The following ANKS1B variants were observed in gnomAD, a reference collection of about 807,000 sequenced individuals.
ANKS1B encodes ankyrin repeat and sterile alpha motif domain containing 1B.
In ANKS1B, 36 loss-of-function variants were observed where a neutral mutation model predicts 148.3. The observed-to-expected ratio is 0.24, with a 90% CI of 0.19 to 0.32. The LOEUF is 0.32. Among genes scored for constraint, ANKS1B ranks in the 10% least tolerant of loss-of-function variants. ANKS1B has a pLI of 1.00. For missense variants in ANKS1B, 1,157 were observed against 1,542.6 expected (o/e 0.75, Z 4.19); for synonymous variants, 542 against 560.8 (o/e 0.97, Z 0.47).
At chr12:99,336,610 T>C (rs1330099435) in intron 12 of ANKS1B, among the ~76,000 whole-genome samples, 2 of 152,126 alleles carry the variant, frequency 1.3e-5, no homozygotes, top group Non-Finnish European at 2.9e-5. Context: ...CCACCATCAT[T>C]TATTGAAGAG....
intron 19 of ANKS1B, among the ~76,000 whole-genome samples, chr12:98,820,084 G>C (rs1440576677): frequency 6.6e-6 from 1 of 152,210 alleles, no homozygotes; most frequent in Non-Finnish European, 1.5e-5. Context: ...ATTCTTAATA[G>C]GATTTTTCAA....
intron 11 of ANKS1B, among the ~76,000 whole-genome samples, chr12:99,421,135 T>C (rs1343572295): frequency 9.9e-5 from 15 of 152,222 alleles, no homozygotes; most frequent in Admixed American, 9.8e-4. Flanking sequence ...TAAGTATTCA[T>C]CTTCTTCTCC....
chr12:99,618,226 GT>G (rs1376634849), intron 9 of ANKS1B, among the ~76,000 whole-genome samples: 1 of 152,102 alleles, frequency 6.6e-6, no homozygotes, highest in African/African-American at 2.4e-5. Context: ...CCCCAGCACT[GT>G]TTCCATCACC....
chr12:99,383,030 A>G (rs1019372302), intron 12 of ANKS1B, among the ~76,000 whole-genome samples: 1 of 152,010 alleles, frequency 6.6e-6, no homozygotes, highest in Non-Finnish European at 1.5e-5. Context: ...TTAGACATCT[A>G]CCCTCTGTCC....
intron 17 of ANKS1B, among the ~76,000 whole-genome samples, chr12:98,866,723 C>T (rs1210179596): frequency 3.3e-5 from 5 of 152,198 alleles, no homozygotes; most frequent in African/African-American, 9.7e-5. Context: ...GCCTGGTCAG[C>T]TCAGTCTCAT....
chr12:98,985,334 C>G (rs1189674769), intron 17 of ANKS1B, among the ~76,000 whole-genome samples: 2 of 151,910 alleles, frequency 1.3e-5, no homozygotes, highest in African/African-American at 2.4e-5. Context: ...CATACTGAAG[C>G]CTTGCTTTTT....
chr12:99,231,654 T>G (rs1286392399), intron 14 of ANKS1B, among the ~76,000 whole-genome samples: 3 of 150,948 alleles, frequency 2.0e-5, no homozygotes, highest in Non-Finnish European at 4.4e-5. Flanking sequence ...TAAATACATT[T>G]AAAAAAAAAT....
chr12:99,745,207 G>A (rs1357591715), intron 8 of ANKS1B, among the ~76,000 whole-genome samples: 1 of 151,968 alleles, frequency 6.6e-6, no homozygotes, highest in Admixed American at 6.6e-5. Context: ...TAACATAACT[G>A]ATCACTGTAA....
intron 9 of ANKS1B, among the ~76,000 whole-genome samples, chr12:99,586,802 C>T (rs778007598): frequency 2.6e-5 from 4 of 152,080 alleles, no homozygotes; most frequent in South Asian, 2.1e-4. Context: ...AGAGTATGTG[C>T]GGGGGAACTC....
At chr12:99,781,908 G>T in intron 5 of ANKS1B, 114 bp downstream of exon 5, 1 of 844,476 alleles carries the variant, frequency 1.2e-6, no homozygotes. Flanking sequence ...CTGCATTTTA[G>T]AGTAAAGGCA....
chr12:98,762,963 G>A (rs1325694866), intron 25 of ANKS1B, among the ~76,000 whole-genome samples: 1 of 152,242 alleles, frequency 6.6e-6, no homozygotes, highest in Non-Finnish European at 1.5e-5. Context: ...TGCACCTTAA[G>A]GTTAAGAAAA....
At chr12:99,530,627 C>A (rs1172099792) in intron 9 of ANKS1B, among the ~76,000 whole-genome samples, 1 of 151,880 alleles carries the variant, frequency 6.6e-6, no homozygotes, top group Non-Finnish European at 1.5e-5. Flanking sequence ...AAAACTTATG[C>A]AAATTTTAAA....
At chr12:98,906,944 A>G (rs565686400) in intron 17 of ANKS1B, among the ~76,000 whole-genome samples, 1 of 152,252 alleles carries the variant, frequency 6.6e-6, no homozygotes, top group South Asian at 2.1e-4. Flanking sequence ...ACATACATAC[A>G]CACTGTGAAA....
At chr12:99,977,323 T>C (rs1272532713) in intron 1 of ANKS1B, among the ~76,000 whole-genome samples, 1 of 152,166 alleles carries the variant, frequency 6.6e-6, no homozygotes, top group Non-Finnish European at 1.5e-5. Context: ...TGTTTTGTTT[T>C]GTTTTTTATA....
chr12:99,533,631 T>C (rs2097027470), intron 9 of ANKS1B, among the ~76,000 whole-genome samples: 1 of 152,198 alleles, frequency 6.6e-6, no homozygotes, highest in Non-Finnish European at 1.5e-5. Context: ...GAGAATGCTT[T>C]CAACTTTTCC....
chr12:99,763,168 T>C (rs1032475684), intron 8 of ANKS1B, among the ~76,000 whole-genome samples: 2 of 152,148 alleles, frequency 1.3e-5, no homozygotes, highest in Non-Finnish European at 2.9e-5. Context: ...ACACAAATCA[T>C]TCTACCATTA....
intron 17 of ANKS1B, among the ~76,000 whole-genome samples, chr12:98,844,579 T>C (rs73380457): frequency 0.013 from 2,035 of 152,336 alleles, 36 homozygotes; most frequent in African/African-American, 0.045. Context: ...GAGAATGTCA[T>C]AGATATAGTG....
intron 14 of ANKS1B, among the ~76,000 whole-genome samples, chr12:99,163,193 A>C (rs532703071): frequency 6.6e-6 from 1 of 152,270 alleles, no homozygotes; most frequent in South Asian, 2.1e-4. Flanking sequence ...ATGTGGATAA[A>C]CCACAGTTTA....
At chr12:99,723,500 C>T (rs749642970) in intron 8 of ANKS1B, among the ~76,000 whole-genome samples, 3 of 152,126 alleles carry the variant, frequency 2.0e-5, no homozygotes, top group Non-Finnish European at 2.9e-5. Context: ...TCTCCCTGGC[C>T]GGAGCCACTA....
Sources: gnomAD v4.1 joint callset for allele counts (sites outside exome capture counted in the v4.1 genomes callset) on GRCh38, gnomAD v4.1.1 for gene constraint, MANE v1.5 for transcripts, NCBI Gene and HGNC (gene_info 2026-07-23, HGNC 2026-07-21) for gene names.